Variants in ZNF789 observed in about 807,000 individuals in gnomAD.
ZNF789 encodes zinc finger protein 789.
In ZNF789, 11 loss-of-function variants were observed where a neutral mutation model predicts 15.6. The observed-to-expected ratio is 0.70, with a 90% CI of 0.44 to 1.16. The LOEUF (loss-of-function observed/expected upper bound fraction) is 1.16, where lower values mean the gene tolerates loss of function less well. Among genes scored for constraint, ZNF789 ranks in the 50% most tolerant of loss-of-function variants. The probability of loss-of-function intolerance (pLI) is 0.00; values close to 1 mark genes in which losing one functional copy is unlikely to be tolerated. For missense variants in ZNF789, 461 were observed against 512.6 expected (o/e 0.90, Z 0.97); for synonymous variants, 159 against 176.0 (o/e 0.90, Z 0.76).
chr7:99,478,600 G>A lies in ZNF789; in HGVS notation c.25-1061G>A, dbSNP rs1880211. 3.5e-3 allele frequency: 1,250 copies of A among 354,470 alleles called. 16 individuals are homozygous for A. Among genetic ancestry groups the A allele is most frequent in the African/African-American group, 0.026 (1,204 of 46,988 alleles). The allele number at this position is 354,470 out of a possible 1,614,324, so 22.0% of individuals were successfully genotyped here. A position where few individuals can be genotyped will look rare whatever the true frequency, so the allele number is the denominator to read the frequency against. On this transcript the variant is annotated intron_variant, in intron 2 of 4. Transcript: ENST00000331410. ...GCAGTGTCTTGTGAGAGCAAGGAGT[G>A]TGTAGACAGCCGCTGGGCCCCTTTG...
At chr7:99,476,696 A>G (rs934374015) in intron 2 of ZNF789, among the ~76,000 whole-genome samples, 2 of 152,204 alleles carry the variant, frequency 1.3e-5, no homozygotes, top group African/African-American at 2.4e-5. Context: ...GAGAGTGCCT[A>G]TCACAGCGAG....
intron 3 of ZNF789, chr7:99,481,989 G>T: frequency 4.9e-6 from 3 of 608,978 alleles, no homozygotes; most frequent in Non-Finnish European, 8.8e-6. Context: ...AAATGCTGGG[G>T]ACCAAAAGTG....
rs1440021242 is a variant in ZNF789, at chr7:99,486,577, G to C, written c.367G>C (p.Glu123Gln). The C allele has an allele frequency of 1.2e-6, 2 of 1,614,190 alleles. No homozygotes were observed. Among genetic ancestry groups the C allele is most frequent in the South Asian group, 2.2e-5 (2 of 91,074 alleles). Residue 123 changes from glutamate (E) to glutamine (Q), a missense_variant, in exon 5 of 5, where the codon GAG becomes CAG. By Grantham distance (29) the Glu-to-Gln change is conservative. Coordinates refer to ENST00000331410, the MANE Select transcript of ZNF789 (RefSeq NM_213603.3). ...ATCAGTGGTAATGCAGGAATCAGCT[G>C]AGAAACTTTCAGAAAAGTTACATAA... is the stretch of plus-strand genomic sequence containing the variant. Reference protein sequence around the residue: ...KISVVMQESAEKLSEKLHKCK... With the variant: ...KISVVMQESAQKLSEKLHKCK...
chr7:99,475,358 G>A (rs1799268493), intron 1 of ZNF789, among the ~76,000 whole-genome samples: 1 of 151,440 alleles, frequency 6.6e-6, no homozygotes, highest in African/African-American at 2.4e-5. Context: ...TCACACCATT[G>A]TACTCCAGCC....
chr7:99,474,383 A>G (rs1799189827), intron 1 of ZNF789, among the ~76,000 whole-genome samples: 1 of 152,190 alleles, frequency 6.6e-6, no homozygotes, highest in Admixed American at 6.5e-5. Context: ...TCACGAGGTC[A>G]GGAGATCAAG....
chr7:99,484,114 A>G lies in ZNF789; in HGVS notation c.236A>G (p.Asn79Ser). Residue 79 changes from asparagine (N) to serine (S), a missense_variant, in exon 4 of 5, where the codon AAT becomes AGT. By Grantham distance (46) the Asn-to-Ser change is conservative. Coordinates refer to ENST00000331410, the MANE Select transcript of ZNF789 (RefSeq NM_213603.3). Reference sequence around the variant, plus strand: ...ATCCTGGATCTACCGAGAACTGGGAATAGGAAGGCTTCCGGTAGTGCTTGC... The same window carrying G: ...ATCCTGGATCTACCGAGAACTGGGAGTAGGAAGGCTTCCGGTAGTGCTTGC... ...QWILDLPRTG[N>S]RKASGSACPG... is the part of the protein sequence containing the mutation. The G allele has an allele frequency of 6.2e-7, 1 of 1,613,960 alleles. No individual in the cohort carries two copies. The highest frequency in any genetic ancestry group is 8.5e-7 in the Non-Finnish European group (1 of 1,179,958).
Position 99,487,123 on chromosome 7 carries a change from G to A in ZNF789, c.913G>A (p.Val305Met), listed in dbSNP as rs144291222. 286 of 1,614,192 alleles carry A rather than the reference G, an allele frequency of 1.8e-4. No individual in the cohort carries two copies. In the African/African-American group the frequency reaches 3.5e-3, roughly 20 times the overall value. The change falls in exon 5 of 5, where the codon GTG (valine) becomes ATG (methionine). Residue 305 changes from valine to methionine, a missense_variant. Coordinates refer to ENST00000331410, the MANE Select transcript of ZNF789 (RefSeq NM_213603.3). ...GAATTCAACCCTTATTCGACATCAG[G>A]TGATCCATAGTGGAGAAAAACGCCA... ...SQNSTLIRHQ[V>M]IHSGEKRHKC...
chr7:99,485,211 C>T (rs1400476713), intron 4 of ZNF789: 3 of 1,535,978 alleles, frequency 2.0e-6, no homozygotes, highest in East Asian at 2.4e-5. Context: ...GATGCAGCTG[C>T]TCCTGTTTTT....
intron 3 of ZNF789, among the ~76,000 whole-genome samples, chr7:99,483,102 A>T (rs1396458761): frequency 6.7e-6 from 1 of 149,982 alleles, no homozygotes; most frequent in Admixed American, 6.7e-5. Context: ...TGGTGGCCAC[A>T]TGCCTGTAAT....
chr7:99,483,386 T>C (rs1238564178), intron 3 of ZNF789, among the ~76,000 whole-genome samples: 1 of 152,040 alleles, frequency 6.6e-6, no homozygotes, highest in Non-Finnish European at 1.5e-5. Context: ...TCCCAGCACT[T>C]TGGGAGGCCA....
At position 99,486,868 on chromosome 7, in the gene ZNF789, C is replaced by G. The variant is rs1375727917; in HGVS notation, c.658C>G (p.Gln220Glu). 4 of 1,614,156 alleles carry G rather than the reference C, an allele frequency of 2.5e-6. No homozygotes were observed. In the East Asian group the frequency reaches 8.9e-5, roughly 36 times the overall value. ...IRRKAWFDQHQRIHFLENPFE... is the reference protein window; with the variant it reads ...IRRKAWFDQHERIHFLENPFE... ...GCGTAAGGCATGGTTTGATCAACAT[C>G]AAAGAATTCACTTTTTAGAGAATCC... Residue 220 changes from glutamine (Q) to glutamate (E), a missense_variant, in exon 5 of 5, where the codon CAA becomes GAA. Physicochemically the swap from Gln to Glu is conservative, Grantham distance 29. Transcript: ENST00000331410.
At position 99,485,554 on chromosome 7, in the gene ZNF789, G is replaced by A. The variant is rs181083223; in HGVS notation, c.266-922G>A. Among the ~76,000 whole-genome samples the A allele has an allele frequency of 1.0e-3, 152 of 152,282 alleles. No individual in the cohort carries two copies. The Middle Eastern group carries it at 0.01, about 10-fold the overall frequency. ...GTTATTAAAAACGTGTATCTAGGCC[G>A]GGTGCCGTGGCTCACACCTGTAATC... On this transcript the variant is annotated intron_variant, in intron 4 of 4. Transcript: ENST00000331410.
At chr7:99,481,179 TAATTCCATTGTG>T in intron 3 of ZNF789, 1 of 152,368 alleles carries the variant, frequency 6.6e-6, no homozygotes, top group Admixed American at 6.5e-5. Context: ...GAGCATAATA[TAATTCCATTGTG>T]TGGTCCATAA....
In ZNF789 at chr7:99,486,996, T is replaced by TGG. The variant is rs775787065; in HGVS notation, c.787_788dup (p.Lys264GlufsTer43). On this transcript the variant is annotated frameshift_variant, in exon 5 of 5. Transcript: ENST00000331410. LOFTEE classifies it low-confidence loss of function (END_TRUNC). ...ACAAGCCATACAGATGTCATGACTG[T>TGG]GGAAAGTGTTTTCGGCAGCTCGCGT... The TGG allele has an allele frequency of 9.3e-6, 15 of 1,614,132 alleles. No homozygotes were observed. The highest frequency in any genetic ancestry group is 1.3e-5 in the Non-Finnish European group (15 of 1,180,030).
intron 3 of ZNF789, chr7:99,482,032 TGGAA>T: frequency 1.5e-6 from 1 of 653,166 alleles, no homozygotes; most frequent in Admixed American, 2.6e-5. Flanking sequence ...TTTTGGATTT[TGGAA>T]TACTCATAAA....
chr7:99,480,096 CG>C, intron 3 of ZNF789: 1 of 363,794 alleles, frequency 2.7e-6, no homozygotes, highest in Non-Finnish European at 4.9e-6. Context: ...GATTCCGAGG[CG>C]GGTGGATCAC....
At chr7:99,485,281 G>A (rs1314997510) in intron 4 of ZNF789, 16 of 1,402,194 alleles carry the variant, frequency 1.1e-5, no homozygotes, top group Non-Finnish European at 1.6e-5. Flanking sequence ...AATTCTTTGG[G>A]GACAGGATGG....
At chr7:99,473,677 A>G (rs573733365) in intron 1 of ZNF789, among the ~76,000 whole-genome samples, 2 of 152,174 alleles carry the variant, frequency 1.3e-5, no homozygotes, top group African/African-American at 4.8e-5. Flanking sequence ...TTGGAGTACA[A>G]TGGGCCAATC....
At chr7:99,483,579 C>T (rs1799757937) in intron 3 of ZNF789, 1 of 641,930 alleles carries the variant, frequency 1.6e-6, no homozygotes, top group South Asian at 1.7e-5. Context: ...TGCAGTGCGC[C>T]AAGACTGTCA....
Sources: allele counts gnomAD v4.1 joint callset (sites outside exome capture counted in the v4.1 genomes callset), GRCh38; gene constraint gnomAD v4.1.1; transcripts MANE v1.5; gene names NCBI Gene and HGNC (gene_info 2026-07-23, HGNC 2026-07-21).